The following MCPH1 variants were observed in gnomAD, a reference collection of about 807,000 sequenced individuals.
MCPH1 encodes the protein microcephalin.
Under a neutral mutation model 84.5 loss-of-function variants are expected in MCPH1, and 104 were observed. The observed-to-expected ratio is 1.23, with a 90% CI of 1.05 to 1.45. The LOEUF (loss-of-function observed/expected upper bound fraction) is 1.45, where lower values mean the gene tolerates loss of function less well. MCPH1 is among the 40% of genes most tolerant of loss of function. The pLI is 0.00. For missense variants in MCPH1, 1,498 were observed against 1,005.7 expected (o/e 1.49, Z -6.62); for synonymous variants, 514 against 366.8 (o/e 1.40, Z -4.58).
At chr8:6,468,383 C>A (rs1464361409) in intron 9 of MCPH1, among the ~76,000 whole-genome samples, 2 of 152,156 alleles carry the variant, frequency 1.3e-5, no homozygotes, top group African/African-American at 4.8e-5. Context: ...CACACCCAGA[C>A]CGCAGGCTTA....
Position 6,416,360 on chromosome 8 carries a change from G to T in MCPH1, c.233+1477G>T, listed in dbSNP as rs143747430. ...TCCAGCACACTGTTGAATAGAAGTG[G>T]TGAGAATGGACGTCCTTGTGTTGTT... On this transcript the variant is annotated intron_variant, in intron 3 of 13. Coordinates refer to ENST00000344683, the MANE Select transcript of MCPH1 (RefSeq NM_024596.5). Among the ~76,000 whole-genome samples the T allele has an allele frequency of 2.9e-3, 443 of 152,260 alleles. 4 individuals are homozygous for T. The highest frequency in any genetic ancestry group is 0.01 in the African/African-American group (424 of 41,534).
chr8:6,589,893 T>A (rs1424219966), intron 12 of MCPH1, among the ~76,000 whole-genome samples: 1 of 152,206 alleles, frequency 6.6e-6, no homozygotes, highest in East Asian at 1.9e-4. Context: ...GAACTCTTAT[T>A]ATGGAAATGA....
chr8:6,514,566 C>G, intron 12 of MCPH1: 1 of 929,994 alleles, frequency 1.1e-6, no homozygotes, highest in East Asian at 2.4e-5. Context: ...TTTTAAAAAC[C>G]ATGTCAAAAG....
chr8:6,595,621 C>T (rs982045100), intron 12 of MCPH1, among the ~76,000 whole-genome samples: 10 of 151,968 alleles, frequency 6.6e-5, no homozygotes, highest in East Asian at 1.9e-4. Context: ...TGGTCCAACA[C>T]GGTCTTCAGA....
At position 6,436,155 on chromosome 8, in the gene MCPH1, A is replaced by C. The variant is rs1306109969; in HGVS notation, c.429A>C (p.Thr143=). 1 of 1,613,138 alleles carries C rather than the reference A, an allele frequency of 6.2e-7. No homozygotes were observed. The highest frequency in any genetic ancestry group is 8.5e-7 in the Non-Finnish European group (1 of 1,179,626). ...CTAAAGAGCTACAAAGGCAAAAAAC[A>C]AATCTAGGTAAGCTAAGAAATATAA... is the stretch of plus-strand genomic sequence containing the variant. ...KMAKELQRQK[T]NLDDDVPILL... is the part of the protein sequence containing the mutation. Residue 143 remains threonine (T), a synonymous_variant, in exon 5 of 14, where the codon ACA becomes ACC. Transcript: ENST00000344683.
chr8:6,417,573 C>A (rs1002934867), intron 3 of MCPH1, among the ~76,000 whole-genome samples: 2 of 151,928 alleles, frequency 1.3e-5, no homozygotes, highest in African/African-American at 4.8e-5. Context: ...CTTTTTTCTC[C>A]ATCAAATCCA....
chr8:6,445,224 C>T lies in MCPH1; in HGVS notation c.1502C>T (p.Ser501Phe), dbSNP rs771862271. 2.1e-5 allele frequency: 34 copies of T among 1,614,140 alleles called. No homozygotes were observed. Among genetic ancestry groups the T allele is most frequent in the Admixed American group, 2.0e-4 (12 of 60,016 alleles). The change falls in exon 8 of 14, where the codon TCT (serine) becomes TTT (phenylalanine). Residue 501 changes from serine (S) to phenylalanine (F), a missense_variant. Transcript: ENST00000344683. ...EGRATSSCVT[S>F]APEEALRCCR... ...CGTGCAACTTCGAGTTGCGTGACTT[C>T]TGCCCCTGAAGAAGCCCTAAGGTGT...
chr8:6,416,282 TGTC>T (rs1428169615), intron 3 of MCPH1, among the ~76,000 whole-genome samples: 5 of 554 alleles, frequency 9.0e-3, no homozygotes. Context: ...TGTTATGTCA[TGTC>T]ATGTCATGTC....
intron 12 of MCPH1, among the ~76,000 whole-genome samples, chr8:6,510,347 A>T (rs1586236244): frequency 6.6e-6 from 1 of 152,160 alleles, no homozygotes; most frequent in African/African-American, 2.4e-5. Context: ...CTACAAAGCA[A>T]ATCCTGCAAT....
At chr8:6,613,142 G>T (rs1830439106) in intron 12 of MCPH1, among the ~76,000 whole-genome samples, 1 of 152,200 alleles carries the variant, frequency 6.6e-6, no homozygotes, top group South Asian at 2.1e-4. Context: ...CAGGTGCCGG[G>T]TGCCGGGAAG....
intron 12 of MCPH1, among the ~76,000 whole-genome samples, chr8:6,596,074 G>T (rs766025242): frequency 6.6e-6 from 1 of 152,148 alleles, no homozygotes; most frequent in African/African-American, 2.4e-5. Flanking sequence ...ACAGTTTGCA[G>T]GAGCATTTAG....
chr8:6,638,714 A>G (rs971903855), intron 13 of MCPH1, among the ~76,000 whole-genome samples: 2 of 151,810 alleles, frequency 1.3e-5, no homozygotes, highest in Admixed American at 6.6e-5. Flanking sequence ...GCCACATTTT[A>G]TGGGATGTTT....
chr8:6,509,363 G>C (rs1464771393), intron 12 of MCPH1, among the ~76,000 whole-genome samples: 2 of 152,216 alleles, frequency 1.3e-5, no homozygotes, highest in African/African-American at 2.4e-5. Flanking sequence ...AAACAGAAGA[G>C]AAAGAAATGC....
intron 11 of MCPH1, among the ~76,000 whole-genome samples, chr8:6,498,656 C>A (rs1811571820): frequency 6.6e-6 from 1 of 152,194 alleles, no homozygotes; most frequent in Non-Finnish European, 1.5e-5. Context: ...TGGCTTCTGT[C>A]ACTGGTACGT....
At chr8:6,440,414 CAT>C (rs1484520635) in intron 6 of MCPH1, among the ~76,000 whole-genome samples, 1 of 152,180 alleles carries the variant, frequency 6.6e-6, no homozygotes, top group African/African-American at 2.4e-5. Context: ...TTTTTAAAGA[CAT>C]AGAGTCTCCC....
intron 11 of MCPH1, among the ~76,000 whole-genome samples, chr8:6,485,453 T>C (rs1011093467): frequency 1.3e-5 from 2 of 152,168 alleles, no homozygotes; most frequent in Admixed American, 6.5e-5. Flanking sequence ...GTTTACAGGC[T>C]CCTGTACCTT....
At chr8:6,639,716 A>C (rs564579679) in intron 13 of MCPH1, among the ~76,000 whole-genome samples, 27 of 151,846 alleles carry the variant, frequency 1.8e-4, no homozygotes, top group Admixed American at 9.2e-4. Flanking sequence ...ATAAACACAG[A>C]TATTGTTTAG....
At chr8:6,514,788 G>A in intron 12 of MCPH1, 1 of 1,612,378 alleles carries the variant, frequency 6.2e-7, no homozygotes, top group Non-Finnish European at 8.5e-7. Context: ...CCTGCAAACA[G>A]GAATGCAGGG....
chr8:6,425,080 G>C (rs1448787750), intron 3 of MCPH1, among the ~76,000 whole-genome samples: 1 of 152,236 alleles, frequency 6.6e-6, no homozygotes, highest in Non-Finnish European at 1.5e-5. Flanking sequence ...CCTAAGGGTA[G>C]AATGAGAGTC....
Sources: allele counts gnomAD v4.1 joint callset (sites outside exome capture counted in the v4.1 genomes callset), GRCh38; gene constraint gnomAD v4.1.1; transcripts MANE v1.5; gene names NCBI Gene and HGNC (gene_info 2026-07-23, HGNC 2026-07-21).